SNTG2: variants seen among roughly 807,000 people sequenced by gnomAD.
SNTG2 encodes the protein syntrophin gamma 2.
SNTG2 carries 74 observed loss-of-function variants against 70.9 expected under a neutral mutation model. The observed-to-expected ratio is 1.04, with a 90% CI of 0.86 to 1.27. The LOEUF (loss-of-function observed/expected upper bound fraction) is 1.27, where lower values mean the gene tolerates loss of function less well. Among genes scored for constraint, SNTG2 ranks in the 50% most tolerant of loss-of-function variants. The pLI, the probability that SNTG2 is intolerant of heterozygous loss-of-function variation, is 0.00. For synonymous variants in SNTG2, 278 were observed against 273.8 expected (o/e 1.02, Z -0.15); for missense variants, 717 against 690.7 (o/e 1.04, Z -0.43).
chr2:1,059,231 T>TA (rs2148108998), intron 1 of SNTG2: 1 of 152,330 alleles, frequency 6.6e-6, no homozygotes, highest in Admixed American at 6.5e-5. Flanking sequence ...TGCCATCTCT[T>TA]AGAGCTGGAG....
chr2:1,247,393 A>G lies in SNTG2; in HGVS notation c.955A>G (p.Lys319Glu). The stretch of plus-strand genomic sequence containing the variant: ...TGACTCCTCTCAAACCTTCAGACCC[A>G]AGTTCCTAGCACTGAAGGGCCCGTC... ...GADSSQTFRP[K>E]FLALKGPSFY... Residue 319 changes from lysine to glutamate, a missense_variant, in exon 12 of 17, where the codon AAG (lysine) becomes GAG (glutamate). Lys to Glu is a moderately conservative substitution (Grantham distance 56). Transcript: ENST00000308624. The G allele has an allele frequency of 1.2e-6, 2 of 1,613,972 alleles. No homozygotes were observed. The highest frequency in any genetic ancestry group is 1.7e-6 in the Non-Finnish European group (2 of 1,179,884).
chr2:1,348,375 A>G (rs1414915480), intron 16 of SNTG2, among the ~76,000 whole-genome samples: 2 of 152,204 alleles, frequency 1.3e-5, no homozygotes, highest in African/African-American at 2.4e-5. Flanking sequence ...ATTAACATCA[A>G]CATATTCTTT....
intron 4 of SNTG2, among the ~76,000 whole-genome samples, chr2:1,116,280 A>G (rs964290596): frequency 1.3e-5 from 2 of 152,116 alleles, no homozygotes; most frequent in South Asian, 2.1e-4. Context: ...TCTCTTATTC[A>G]CTAGAACACT....
intron 16 of SNTG2, among the ~76,000 whole-genome samples, chr2:1,339,471 G>A (rs886950276): frequency 4.6e-5 from 7 of 152,272 alleles, no homozygotes; most frequent in South Asian, 4.2e-4. Flanking sequence ...TCTAACATGT[G>A]CTAGTTGGGG....
chr2:1,096,079 G>A (rs958832830), intron 2 of SNTG2, among the ~76,000 whole-genome samples: 7 of 152,184 alleles, frequency 4.6e-5, no homozygotes, highest in South Asian at 2.1e-4. Flanking sequence ...AAAGTCAACC[G>A]TCCATGTGTT....
At position 1,111,703 on chromosome 2, in the gene SNTG2, A is replaced by G. The variant is rs575856934; in HGVS notation, c.325+13293A>G. On this transcript the variant is annotated intron_variant, in intron 4 of 16. Coordinates refer to ENST00000308624, the MANE Select transcript of SNTG2 (RefSeq NM_018968.4). ...TAGATTTCCCTGTTATCAATGATAA[A>G]TAATCTCCCAAGGCCACTTAGAGAG... is the stretch of plus-strand genomic sequence containing the variant. 2.0e-5 allele frequency among the ~76,000 whole-genome samples: 3 copies of G among 152,386 alleles called. No homozygotes were observed. In the South Asian group the frequency reaches 6.2e-4, roughly 32 times the overall value.
chr2:1,175,684 G>A (rs1042893899), intron 8 of SNTG2, among the ~76,000 whole-genome samples: 5 of 152,028 alleles, frequency 3.3e-5, no homozygotes, highest in Admixed American at 6.5e-5. Flanking sequence ...GCAACACCCT[G>A]TCCCCCAAGC....
intron 9 of SNTG2, among the ~76,000 whole-genome samples, chr2:1,215,506 T>G: frequency 6.6e-6 from 1 of 152,102 alleles, no homozygotes; most frequent in Non-Finnish European, 1.5e-5. Flanking sequence ...TAGGAATTTT[T>G]TTTAACATTT....
intron 8 of SNTG2, among the ~76,000 whole-genome samples, chr2:1,179,976 C>A (rs1360728563): frequency 7.3e-6 from 1 of 136,846 alleles, no homozygotes; most frequent in East Asian, 2.6e-4. Flanking sequence ...AAAGGATTCC[C>A]TATTTAATAA....
rs571880565 is a variant in SNTG2 at position 1,143,773 on chromosome 2, T to A, written c.411+5964T>A. Among the ~76,000 whole-genome samples the A allele has an allele frequency of 1.1e-4, 13 of 118,580 alleles. No individual in the cohort carries two copies. The South Asian group carries it at 3.4e-3, about 31-fold the overall frequency. 77.8% of individuals were successfully genotyped at this position (118,580 alleles called of 152,430 possible). On this transcript the variant is annotated intron_variant, in intron 6 of 16. Coordinates refer to ENST00000308624, the MANE Select transcript of SNTG2 (RefSeq NM_018968.4). ...CTGTAATCCCAGCTACTTGGGAGGC[T>A]GAGGCAGGAGAATTGCTTGAGCCCG... is the stretch of plus-strand genomic sequence containing the variant.
intron 4 of SNTG2, among the ~76,000 whole-genome samples, chr2:1,115,956 G>T (rs1052413587): frequency 1.6e-4 from 25 of 152,256 alleles, no homozygotes; most frequent in African/African-American, 5.8e-4. Context: ...CTGCCCTCCA[G>T]GACCTTGGCG....
intron 6 of SNTG2, among the ~76,000 whole-genome samples, chr2:1,154,697 C>T (rs1329862200): frequency 3.3e-5 from 5 of 152,066 alleles, no homozygotes; most frequent in Middle Eastern, 3.2e-3. Context: ...ATTAAAATAC[C>T]GTAGCAGTAA....
intron 1 of SNTG2, among the ~76,000 whole-genome samples, chr2:1,041,102 G>A (rs536106756): frequency 2.4e-4 from 37 of 152,306 alleles, no homozygotes; most frequent in African/African-American, 7.7e-4. Context: ...CATCTGTCCC[G>A]CAGCATGTTA....
chr2:1,209,336 A>G (rs1172032994), intron 9 of SNTG2, 106 bp downstream of exon 9: 1 of 1,341,540 alleles, frequency 7.5e-7, no homozygotes, highest in Admixed American at 1.9e-5. Context: ...TGACATTAGC[A>G]AGTGTGCGTG....
intron 2 of SNTG2, among the ~76,000 whole-genome samples, chr2:1,092,288 C>G (rs1572409034): frequency 6.6e-6 from 1 of 152,052 alleles, no homozygotes; most frequent in Admixed American, 6.5e-5. Flanking sequence ...GGTCCCTCGC[C>G]TTTCCCACAT....
intron 4 of SNTG2, among the ~76,000 whole-genome samples, chr2:1,124,355 T>C (rs941654936): frequency 6.7e-6 from 1 of 150,206 alleles, no homozygotes; most frequent in African/African-American, 2.5e-5. Flanking sequence ...AGTGCAGTGG[T>C]GCGATCTCAG....
intron 1 of SNTG2, among the ~76,000 whole-genome samples, chr2:969,897 T>C (rs980581138): frequency 2.6e-5 from 4 of 152,220 alleles, no homozygotes; most frequent in Non-Finnish European, 4.4e-5. Flanking sequence ...TTTCCAATAC[T>C]GTGTTGAATA....
chr2:979,715 T>A (rs757122072), intron 1 of SNTG2, among the ~76,000 whole-genome samples: 1 of 152,216 alleles, frequency 6.6e-6, no homozygotes, highest in Non-Finnish European at 1.5e-5. Context: ...AAATCAGCCC[T>A]ACTTATGCAA....
At chr2:973,172 C>T (rs575251120) in intron 1 of SNTG2, among the ~76,000 whole-genome samples, 40 of 152,166 alleles carry the variant, frequency 2.6e-4, no homozygotes, top group African/African-American at 7.7e-4. Flanking sequence ...TTATTTAATC[C>T]GTATTTCTGT....
Sources: gnomAD v4.1 joint callset for allele counts (sites outside exome capture counted in the v4.1 genomes callset) on GRCh38, gnomAD v4.1.1 for gene constraint, MANE v1.5 for transcripts, NCBI Gene and HGNC (gene_info 2026-07-23, HGNC 2026-07-21) for gene names.